Variants in ZNF569 observed in about 807,000 individuals in gnomAD.
The protein encoded by ZNF569 is DNA-binding protein.
Under a neutral mutation model 56.3 loss-of-function variants are expected in ZNF569, and 38 were observed. The ratio of observed to expected loss-of-function variants is 0.68; its 90% CI spans 0.52 to 0.88. The LOEUF (loss-of-function observed/expected upper bound fraction) is 0.88, where lower values mean the gene tolerates loss of function less well. Among genes scored for constraint, ZNF569 ranks in the 40% least tolerant of loss-of-function variants. ZNF569 has a pLI of 0.00. For synonymous variants in ZNF569, 241 were observed against 262.9 expected, an observed-to-expected ratio of 0.92 and a Z score of 0.81; for missense variants, 666 against 809.2, an observed-to-expected ratio of 0.82 and a Z score of 2.15.
Position 37,456,582 on chromosome 19 carries a change from G to T in ZNF569, c.-44+8731C>A, listed in dbSNP as rs1308573230. 2.0e-5 allele frequency among the ~76,000 whole-genome samples: 3 copies of T among 152,106 alleles called. No individual in the cohort carries two copies. In the East Asian group the frequency reaches 5.8e-4, roughly 29 times the overall value. ...CAGGGAGTTGAAGCTTCATAAAACA[G>T]TTTAACTGCCTCCTACTTTCCTTCC... On this transcript the variant is annotated intron_variant, in intron 2 of 5. Transcript: ENST00000316950.
chr19:37,424,753 T>C (rs181198187), intron 5 of ZNF569, among the ~76,000 whole-genome samples: 4 of 142,778 alleles, frequency 2.8e-5, no homozygotes, highest in Non-Finnish European at 4.5e-5. Context: ...GAGCCAGAGG[T>C]TGCAGTGAGC....
chr19:37,455,106 T>A, intron 2 of ZNF569: 1 of 426,386 alleles, frequency 2.3e-6, no homozygotes, highest in Non-Finnish European at 4.1e-6. Flanking sequence ...CTCATTACAA[T>A]AAACTTTTGA....
Position 37,413,153 on chromosome 19 carries a change from G to A in ZNF569, c.1505C>T (p.Ala502Val), listed in dbSNP as rs1350608782. Residue 502 changes from alanine to valine, a missense_variant, in exon 6 of 6, where the codon GCC (alanine) becomes GTC (valine). Physicochemically the swap from Ala to Val is moderately conservative, Grantham distance 64 (BLOSUM62 0). Coordinates refer to ENST00000316950, the MANE Select transcript of ZNF569 (RefSeq NM_152484.3). ...AATGAAGTTTTGCTTTTGGCTGAAG[G>A]CTTTACCACATTCATTGCATTCATA... ...KPYECNECGK[A>V]FSQKQNFITH... The A allele has an allele frequency of 1.2e-6, 2 of 1,608,358 alleles. No homozygotes were observed. The highest frequency in any genetic ancestry group is 8.5e-7 in the Non-Finnish European group (1 of 1,177,940).
chr19:37,452,497 C>T (rs1387228404), intron 2 of ZNF569, among the ~76,000 whole-genome samples: 1 of 151,956 alleles, frequency 6.6e-6, no homozygotes, highest in Non-Finnish European at 1.5e-5. Flanking sequence ...AGTGGTGATG[C>T]TTTGGTTTGG....
At position 37,412,701 on chromosome 19, in the gene ZNF569, T is replaced by C. The variant is rs776553693; in HGVS notation, c.1957A>G (p.Met653Val). ...FSQISSLTLH[M>V]RKHTGEKPYH... Reference sequence around the variant, plus strand: ...GGCTTCTCACCTGTATGTTTTCTCATATGAAGGGTAAGAGATGAGATTTGA... The same window carrying C: ...GGCTTCTCACCTGTATGTTTTCTCACATGAAGGGTAAGAGATGAGATTTGA... Residue 653 changes from methionine (M) to valine (V), a missense_variant, in exon 6 of 6, where the codon ATG becomes GTG. By Grantham distance (21) the Met-to-Val change is conservative (BLOSUM62 1). Coordinates refer to ENST00000316950, the MANE Select transcript of ZNF569 (RefSeq NM_152484.3). 1 of 1,614,124 alleles carries C rather than the reference T, an allele frequency of 6.2e-7. No homozygotes were observed. The highest frequency in any genetic ancestry group is 8.5e-7 in the Non-Finnish European group (1 of 1,179,966).
At chr19:37,433,961 A>G (rs534130392) in intron 3 of ZNF569, among the ~76,000 whole-genome samples, 92 of 152,336 alleles carry the variant, frequency 6.0e-4, no homozygotes, top group African/African-American at 2.2e-3. Context: ...GCAGAATGTT[A>G]TAACACTGTA....
chr19:37,447,257 A>AT (rs1568740043), intron 2 of ZNF569, among the ~76,000 whole-genome samples: 3 of 152,356 alleles, frequency 2.0e-5, no homozygotes, highest in African/African-American at 7.2e-5. Flanking sequence ...TATCCAGAGG[A>AT]AAAGAAGTCA....
Position 37,456,925 on chromosome 19 carries a change from G to A in ZNF569, c.-44+8388C>T, listed in dbSNP as rs1388278563. Among the ~76,000 whole-genome samples, 4 of 149,200 alleles carry A rather than the reference G, an allele frequency of 2.7e-5. No individual in the cohort carries two copies. In the East Asian group the frequency reaches 5.9e-4, roughly 22 times the overall value. On this transcript the variant is annotated intron_variant, in intron 2 of 5. Transcript: ENST00000316950. Reference sequence around the variant, plus strand: ...GGAGGTTGCAGTGAGTCTAGATCGCGCCATTGCACTCCAGCCTGGGCAACA... The same window carrying A: ...GGAGGTTGCAGTGAGTCTAGATCGCACCATTGCACTCCAGCCTGGGCAACA...
At chr19:37,443,973 G>A (rs1262781101) in intron 3 of ZNF569, among the ~76,000 whole-genome samples, 2 of 152,062 alleles carry the variant, frequency 1.3e-5, no homozygotes, top group South Asian at 2.1e-4. Context: ...AGCTGAGATC[G>A]TGCCATTGCA....
intron 2 of ZNF569, among the ~76,000 whole-genome samples, chr19:37,462,047 T>C (rs1336701592): frequency 2.0e-5 from 3 of 152,166 alleles, no homozygotes; most frequent in Non-Finnish European, 4.4e-5. Context: ...TTTTCCCCTG[T>C]TCTTCTCAAA....
At chr19:37,454,816 A>G (rs1251259892) in intron 2 of ZNF569, 2 of 701,806 alleles carry the variant, frequency 2.8e-6, no homozygotes, top group East Asian at 2.7e-5. Flanking sequence ...TAAAAACTTG[A>G]TAGCTGTATT....
At chr19:37,446,571 A>G (rs2041501031) in intron 2 of ZNF569, among the ~76,000 whole-genome samples, 2 of 148,150 alleles carry the variant, frequency 1.3e-5, no homozygotes, top group Non-Finnish European at 3.0e-5. Context: ...AAAAAAAAAG[A>G]ATGAAACTGG....
At chr19:37,445,346 G>A (rs2041475214) in intron 2 of ZNF569, among the ~76,000 whole-genome samples, 1 of 152,154 alleles carries the variant, frequency 6.6e-6, no homozygotes. Flanking sequence ...GAATTTAAAA[G>A]GTGATATATC....
At chr19:37,452,168 TAA>T (rs1164795913) in intron 2 of ZNF569, among the ~76,000 whole-genome samples, 1 of 152,186 alleles carries the variant, frequency 6.6e-6, no homozygotes, top group Non-Finnish European at 1.5e-5. Context: ...GTAACAAACT[TAA>T]GTTTAATCAC....
chr19:37,456,967 C>CAA (rs560827115), intron 2 of ZNF569, among the ~76,000 whole-genome samples: 28 of 113,752 alleles, frequency 2.5e-4, no homozygotes, highest in Admixed American at 3.6e-4. Flanking sequence ...GACACCGTCT[C>CAA]AAAAAAAAAA....
chr19:37,444,831 C>T, intron 3 of ZNF569, 76 bp downstream of exon 3: 3 of 1,150,498 alleles, frequency 2.6e-6, no homozygotes, highest in Non-Finnish European at 3.8e-6. Flanking sequence ...TTATAATTTA[C>T]TGTATGAATT....
At chr19:37,452,566 G>A (rs2041612156) in intron 2 of ZNF569, among the ~76,000 whole-genome samples, 1 of 151,864 alleles carries the variant, frequency 6.6e-6, no homozygotes. Flanking sequence ...TAGTATTCCG[G>A]GTTGGCAGAG....
intron 2 of ZNF569, among the ~76,000 whole-genome samples, chr19:37,461,895 C>T (rs566405861): frequency 8.5e-5 from 13 of 152,310 alleles, no homozygotes; most frequent in South Asian, 8.3e-4. Context: ...TGCAACTATG[C>T]GGATGAACAC....
At chr19:37,434,532 C>A (rs1042415899) in intron 3 of ZNF569, among the ~76,000 whole-genome samples, 162 of 152,126 alleles carry the variant, frequency 1.1e-3, no homozygotes, top group African/African-American at 3.4e-3. Context: ...ACTAAAAATA[C>A]AAAAAAATTA....
Sources: gnomAD v4.1 joint callset for allele counts (sites outside exome capture counted in the v4.1 genomes callset) on GRCh38, gnomAD v4.1.1 for gene constraint, MANE v1.5 for transcripts, NCBI Gene and HGNC (gene_info 2026-07-23, HGNC 2026-07-21) for gene names.